The following PCDHGB4 variants were observed in gnomAD, a reference collection of about 807,000 sequenced individuals.
The protein encoded by PCDHGB4 is protocadherin gamma-B4.
PCDHGB4 carries 38 observed loss-of-function variants against 60.5 expected under a neutral mutation model. The observed-to-expected ratio is 0.63, with a 90% CI of 0.48 to 0.82. The LOEUF is 0.82. Among genes scored for constraint, PCDHGB4 ranks in the 40% least tolerant of loss-of-function variants. The probability of loss-of-function intolerance (pLI) is 0.00; values close to 1 mark genes in which losing one functional copy is unlikely to be tolerated. For synonymous variants in PCDHGB4, 456 were observed against 509.7 expected, an observed-to-expected ratio of 0.89 and a Z score of 1.42; for missense variants, 1,109 against 1,209.6, an observed-to-expected ratio of 0.92 and a Z score of 1.23.
chr5:141,421,953 G>A lies in PCDHGB4; in HGVS notation c.2397+31672G>A, dbSNP rs193141134. On this transcript the variant is annotated intron_variant, in intron 1 of 3. Coordinates refer to ENST00000519479, the MANE Select transcript of PCDHGB4 (RefSeq NM_003736.4). ...TCGATGTAAATGATCACATCCCAATGTTTACACAGTCCGTATATCGCGTGA... is the reference window on the plus strand; with the variant it reads ...TCGATGTAAATGATCACATCCCAATATTTACACAGTCCGTATATCGCGTGA... 1.8e-4 allele frequency: 295 copies of A among 1,612,962 alleles called. 5 individuals are homozygous for A. In the East Asian group the frequency reaches 4.0e-3, roughly 22 times the overall value.
intron 1 of PCDHGB4, among the ~76,000 whole-genome samples, chr5:141,443,466 A>G (rs1402303157): frequency 6.6e-6 from 1 of 152,184 alleles, no homozygotes; most frequent in East Asian, 1.9e-4. Flanking sequence ...AGTCTGGGTG[A>G]CAGAATTAGA....
chr5:141,415,071 G>C (rs757356726), intron 1 of PCDHGB4: 5 of 1,613,422 alleles, frequency 3.1e-6, no homozygotes, highest in Non-Finnish European at 1.7e-6. Context: ...AGGTGCGCAC[G>C]GCGCGAGCCC....
intron 1 of PCDHGB4, chr5:141,427,747 C>A (rs2097063869): frequency 1.6e-6 from 2 of 1,277,502 alleles, no homozygotes; most frequent in Non-Finnish European, 2.2e-6. Flanking sequence ...GTCTCCTACT[C>A]CATCGTTACC....
At chr5:141,409,866 G>T in intron 1 of PCDHGB4, 1 of 1,612,376 alleles carries the variant, frequency 6.2e-7, no homozygotes, top group Non-Finnish European at 8.5e-7. Context: ...GTGGGAGACC[G>T]CAATGACAAC....
chr5:141,400,361 C>G (rs776965891), intron 1 of PCDHGB4: 3 of 1,613,952 alleles, frequency 1.9e-6, no homozygotes, highest in Non-Finnish European at 2.5e-6. Flanking sequence ...GGGACTTTGC[C>G]TTATTCCTAC....
chr5:141,427,973 C>T (rs754410723), intron 1 of PCDHGB4: 3 of 1,594,054 alleles, frequency 1.9e-6, no homozygotes, highest in Non-Finnish European at 2.6e-6. Context: ...TGCTGTACCC[C>T]GCGCTGGGGC....
At chr5:141,448,984 A>C (rs2098621334) in intron 1 of PCDHGB4, among the ~76,000 whole-genome samples, 1 of 152,086 alleles carries the variant, frequency 6.6e-6, no homozygotes, top group Non-Finnish European at 1.5e-5. Context: ...CTTCCATATT[A>C]ATATATAGAA....
chr5:141,391,303 ATTCTTTTTTTT>A (rs2092340493), intron 1 of PCDHGB4: 1 of 150,682 alleles, frequency 6.6e-6, no homozygotes, highest in South Asian at 2.1e-4. Flanking sequence ...ACGTCTTTCG[ATTCTTTTTTTT>A]TTCTTTTTTT....
intron 1 of PCDHGB4, among the ~76,000 whole-genome samples, chr5:141,459,664 T>A (rs766213146): frequency 1.3e-5 from 2 of 152,262 alleles, no homozygotes; most frequent in Non-Finnish European, 2.9e-5. Flanking sequence ...TCACTTTACA[T>A]TTTCATGAGC....
rs752660585 is a variant in PCDHGB4 at position 141,400,337 on chromosome 5, C to A, written c.2397+10056C>A. The A allele has an allele frequency of 6.6e-5, 106 of 1,613,962 alleles. No homozygotes were observed. The Admixed American group carries it at 1.7e-3, about 26-fold the overall frequency. ...GTCAAGTCTGGACCTGTGGTTCCCC[C>A]CAACTACAGTCAGGGGACTTTGCCT... On this transcript the variant is annotated intron_variant, in intron 1 of 3. Transcript: ENST00000519479.
rs201408987 is a variant in PCDHGB4, at chr5:141,476,857, C to T, written c.2398-17950C>T. 12 of 1,613,768 alleles carry T rather than the reference C, an allele frequency of 7.4e-6. No individual in the cohort carries two copies. The highest frequency in any genetic ancestry group is 1.0e-5 in the Non-Finnish European group (12 of 1,180,054). ...ACAATGCGCCTGTCTTCAACCAGTC[C>T]TTGTACCGGGCGCGCGTCCTGGAGG... On this transcript the variant is annotated intron_variant, in intron 1 of 3. Transcript: ENST00000519479. The surrounding 1 kb of genome is among the most constrained non-coding windows in gnomAD (Gnocchi z 7.6).
intron 1 of PCDHGB4, among the ~76,000 whole-genome samples, chr5:141,397,814 C>G (rs1325713795): frequency 6.6e-6 from 1 of 152,200 alleles, no homozygotes; most frequent in Non-Finnish European, 1.5e-5. Flanking sequence ...CACACAAAAA[C>G]AATTACTGCA....
chr5:141,405,704 C>T (rs1589592020), intron 1 of PCDHGB4, among the ~76,000 whole-genome samples: 1 of 152,286 alleles, frequency 6.6e-6, no homozygotes, highest in East Asian at 1.9e-4. Context: ...TCTTGAATTC[C>T]TAACCTCAAG....
chr5:141,391,134 C>T (rs2092305385), intron 1 of PCDHGB4: 1 of 152,118 alleles, frequency 6.6e-6, no homozygotes, highest in African/African-American at 2.4e-5. Context: ...TAATCATTCT[C>T]CTACCTCTAG....
chr5:141,459,687 G>A (rs191874235), intron 1 of PCDHGB4, among the ~76,000 whole-genome samples: 15 of 152,278 alleles, frequency 9.9e-5, no homozygotes, highest in Admixed American at 2.0e-4. Context: ...TGCATAAAGC[G>A]TTCCGCTTGC....
Position 141,489,784 on chromosome 5 carries a change from G to A in PCDHGB4, c.2398-5023G>A. 1 of 1,614,218 alleles carries A rather than the reference G, an allele frequency of 6.2e-7. No individual in the cohort carries two copies. Among genetic ancestry groups the A allele is most frequent in the Non-Finnish European group, 8.5e-7 (1 of 1,180,010 alleles). On this transcript the variant is annotated intron_variant, in intron 1 of 3. Transcript: ENST00000519479. This position sits in a 1 kb window ranked among gnomAD's most constrained non-coding sequence, Gnocchi z 4.5. ...CCCCAACAGCCACTTCTCTCTGAAT[G>A]TGAAGACCCTAAAAGATGGGAAGCC...
chr5:141,428,077 A>G (rs2097107152), intron 1 of PCDHGB4: 4 of 1,609,206 alleles, frequency 2.5e-6, no homozygotes, highest in South Asian at 1.1e-5. Flanking sequence ...GATTCGGGAC[A>G]CAACGCTTGG....
chr5:141,390,264 G>C lies in PCDHGB4; in HGVS notation c.2380G>C (p.Glu794Gln), dbSNP rs771554792. 18 of 1,614,004 alleles carry C rather than the reference G, an allele frequency of 1.1e-5. No individual in the cohort carries two copies. In the African/African-American group the frequency reaches 2.1e-4, roughly 19 times the overall value. Reference sequence around the variant, plus strand: ...CTTATTTCCACTTTGTAATTCCAGTGAATTGACTTCCCATCAGGTGAGTTT... The same window carrying C: ...CTTATTTCCACTTTGTAATTCCAGTCAATTGACTTCCCATCAGGTGAGTTT... ...GALFPLCNSS[E>Q]LTSHQQAPPN... The change falls in exon 1 of 4, where the codon GAA (glutamate) becomes CAA (glutamine). Residue 794 changes from glutamate to glutamine, a missense_variant. By Grantham distance (29) the Glu-to-Gln change is conservative. Coordinates refer to ENST00000519479, the MANE Select transcript of PCDHGB4 (RefSeq NM_003736.4).
At chr5:141,422,229 G>C in intron 1 of PCDHGB4, 4 of 1,565,880 alleles carry the variant, frequency 2.6e-6, no homozygotes, top group Non-Finnish European at 3.4e-6. Flanking sequence ...CCACGACGAT[G>C]TTGATCACTG....
Sources: gnomAD v4.1 joint callset for allele counts (sites outside exome capture counted in the v4.1 genomes callset) on GRCh38, gnomAD v4.1.1 for gene constraint, Gnocchi (gnomAD v3.1) non-coding constraint, MANE v1.5 for transcripts, NCBI Gene and HGNC (gene_info 2026-07-23, HGNC 2026-07-21) for gene names.